Variants in EVC2 observed in about 807,000 individuals in gnomAD.
The protein encoded by EVC2 is limbin.
In EVC2, 148 loss-of-function variants were observed where a neutral mutation model predicts 149.3. The ratio of observed to expected loss-of-function variants is 0.99; its 90% CI spans 0.87 to 1.14. The LOEUF is 1.14. Ranked by LOEUF, EVC2 falls within the 50% of genes most tolerant of loss-of-function variation. The pLI is 0.00. For synonymous variants in EVC2, 776 were observed against 649.9 expected (o/e 1.19, Z -2.95); for missense variants, 1,854 against 1,627.3 (o/e 1.14, Z -2.40).
At chr4:5,690,408 T>C (rs536494228) in intron 4 of EVC2, among the ~76,000 whole-genome samples, 1 of 150,336 alleles carries the variant, frequency 6.7e-6, no homozygotes, top group African/African-American at 2.5e-5. Context: ...GGTTGTTGTT[T>C]TTTTTTTTTT....
At chr4:5,540,524 G>C (rs114313399), downstream of EVC2, among the ~76,000 whole-genome samples, 799 of 152,346 alleles carry the variant, frequency 5.2e-3, 5 homozygotes, top group African/African-American at 0.018. Context: ...ACATGTGGAT[G>C]AAACTCAAAA....
At chr4:5,665,751 G>A (rs1719238339) in intron 7 of EVC2, 102 bp from the exon 8 acceptor site, 2 of 1,533,886 alleles carry the variant, frequency 1.3e-6, no homozygotes, top group African/African-American at 2.7e-5. Context: ...CAGGGACCAG[G>A]GGACTCGCTT....
intron 17 of EVC2, among the ~76,000 whole-genome samples, chr4:5,582,197 T>C (rs1285735552): frequency 6.6e-6 from 1 of 152,184 alleles, no homozygotes; most frequent in Admixed American, 6.5e-5. Flanking sequence ...TCTGGAATGA[T>C]AGATCCACTG....
intron 9 of EVC2, among the ~76,000 whole-genome samples, chr4:5,656,834 T>A (rs763885792): frequency 2.6e-5 from 4 of 152,168 alleles, no homozygotes; most frequent in Non-Finnish European, 5.9e-5. Flanking sequence ...TTACGGTAAT[T>A]TGTGACAACA....
chr4:5,707,701 C>G (rs1255114045), intron 1 of EVC2, among the ~76,000 whole-genome samples: 7 of 151,986 alleles, frequency 4.6e-5, no homozygotes, highest in African/African-American at 1.7e-4. Flanking sequence ...GGACTGGTGA[C>G]CAGCTTTGTC....
chr4:5,704,987 G>T (rs983420039), intron 1 of EVC2, among the ~76,000 whole-genome samples: 8 of 152,166 alleles, frequency 5.3e-5, no homozygotes, highest in Non-Finnish European at 8.8e-5. Flanking sequence ...TGGGATTACA[G>T]GCGTGAGCTT....
downstream of EVC2, among the ~76,000 whole-genome samples, chr4:5,561,529 G>A (rs1721958530): frequency 6.6e-6 from 1 of 152,204 alleles, no homozygotes; most frequent in Admixed American, 6.5e-5. Flanking sequence ...TGTCCCCTGG[G>A]AGAAGTGCAA....
Position 5,619,201 on chromosome 4 carries a change from T to C in EVC2, c.2502-519A>G, listed in dbSNP as rs139678453. Among the ~76,000 whole-genome samples, 39 of 152,306 alleles carry C rather than the reference T, an allele frequency of 2.6e-4. 1 individual carries two copies. In the East Asian group the frequency reaches 7.0e-3, roughly 27 times the overall value. Reference sequence around the variant, plus strand: ...AACCATGCTGAGTGACTTAGTGTTATGGGTTGAATTGTGGCTCCCAAAAAG... The same window carrying C: ...AACCATGCTGAGTGACTTAGTGTTACGGGTTGAATTGTGGCTCCCAAAAAG... On this transcript the variant is annotated intron_variant, in intron 14 of 21. Transcript: ENST00000344408.
intron 14 of EVC2, among the ~76,000 whole-genome samples, chr4:5,620,956 T>C (rs991163122): frequency 6.6e-6 from 1 of 152,216 alleles, no homozygotes; most frequent in Non-Finnish European, 1.5e-5. Flanking sequence ...AAATGACATT[T>C]AAGGATCTGA....
In EVC2 at chr4:5,657,291, C is replaced by A. The variant is rs182380694; in HGVS notation, c.1145+5816G>T. On this transcript the variant is annotated intron_variant, in intron 9 of 21. Transcript: ENST00000344408. The surrounding 1 kb of genome is among the most constrained non-coding windows in gnomAD (Gnocchi z 4.7). ...TTGAACTTCATTGAGAAGCATCTGA[C>A]AGGTTCATCCCATGTTCCCTCCCCA... is the stretch of plus-strand genomic sequence containing the variant. Among the ~76,000 whole-genome samples, 20 of 152,244 alleles carry A rather than the reference C, an allele frequency of 1.3e-4. No individual in the cohort carries two copies. In the East Asian group the frequency reaches 3.5e-3, roughly 27 times the overall value.
At chr4:5,708,619 G>T, upstream of EVC2, 1 of 816,510 alleles carries the variant, frequency 1.2e-6, no homozygotes, top group Non-Finnish European at 1.7e-6. Context: ...GCGAGCCGCC[G>T]CCGAAAGTTT....
chr4:5,601,735 G>A (rs951310248), intron 16 of EVC2, among the ~76,000 whole-genome samples: 1 of 152,186 alleles, frequency 6.6e-6, no homozygotes, highest in African/African-American at 2.4e-5. Flanking sequence ...AGTTTCCTAT[G>A]TGCCCTTTCC....
At chr4:5,574,801 TCA>T (rs749647385) in intron 18 of EVC2, 29 bp from the exon 19 acceptor site, 1 of 1,605,548 alleles carries the variant, frequency 6.2e-7, no homozygotes, top group South Asian at 1.1e-5. Flanking sequence ...ATACGTAAGT[TCA>T]GTTTTGTTAT....
Position 5,625,641 on chromosome 4 carries a change from C to T in EVC2, c.2046+108G>A. On this transcript the variant is annotated intron_variant, in intron 13 of 21. Transcript: ENST00000344408. This position sits in a 1 kb window ranked among gnomAD's most constrained non-coding sequence, Gnocchi z 4.0. ...GCACATCATGGTGCCTGCCCAGCTG[C>T]CCTTCTGATCCTAGTTCACCAATGG... 6.9e-7 allele frequency: 1 copy of T among 1,446,176 alleles called. No individual in the cohort carries two copies. The highest frequency in any genetic ancestry group is 9.6e-7 in the Non-Finnish European group (1 of 1,044,968). The allele number at this position is 1,446,176 out of a possible 1,614,324, so 89.6% of individuals were successfully genotyped here.
At chr4:5,662,571 T>C (rs1718963259) in intron 9 of EVC2, among the ~76,000 whole-genome samples, 1 of 141,996 alleles carries the variant, frequency 7.0e-6, no homozygotes, top group Admixed American at 7.2e-5. Context: ...AAATATAATA[T>C]ATATTTATAT....
chr4:5,556,152 C>CCCA (rs964920693), intron 21 of EVC2, among the ~76,000 whole-genome samples: 35 of 130,096 alleles, frequency 2.7e-4, no homozygotes, highest in African/African-American at 1.0e-3. Context: ...GCACTCTAAC[C>CCCA]CCAGGTGACA....
rs777020546 is a variant in EVC2 at position 5,576,353 on chromosome 4, A to G, written c.3159T>C (p.Asp1053=). Residue 1053 remains aspartate (D), a synonymous_variant, in exon 18 of 22, where the codon GAT becomes GAC. Transcript: ENST00000344408. The surrounding 1 kb of genome is among the most constrained non-coding windows in gnomAD (Gnocchi z 4.5). ...ALASWQQWVA[D]GPGILNEPGE... is the part of the protein sequence containing the mutation. ...CAGGTTCGTTCAGAATCCCGGGCCC[A>G]TCGGCCACCCACTGCTGCCAGCTCG... is the stretch of plus-strand genomic sequence containing the variant. 9 of 1,614,080 alleles carry G rather than the reference A, an allele frequency of 5.6e-6. No homozygotes were observed. The highest frequency in any genetic ancestry group is 1.3e-5 in the African/African-American group (1 of 74,934).
intron 9 of EVC2, among the ~76,000 whole-genome samples, chr4:5,643,195 T>A (rs1292883556): frequency 6.6e-6 from 1 of 152,204 alleles, no homozygotes; most frequent in Non-Finnish European, 1.5e-5. Flanking sequence ...CTAGCAAGTA[T>A]CAGATCACTC....
chr4:5,595,382 C>T (rs1269749193), intron 16 of EVC2, among the ~76,000 whole-genome samples: 2 of 152,180 alleles, frequency 1.3e-5, no homozygotes, highest in Non-Finnish European at 2.9e-5. Flanking sequence ...GGCAGAAACT[C>T]TACAAGCCAG....
Sources: gnomAD v4.1 joint callset for allele counts (sites outside exome capture counted in the v4.1 genomes callset) on GRCh38, gnomAD v4.1.1 for gene constraint, Gnocchi (gnomAD v3.1) non-coding constraint, MANE v1.5 for transcripts, NCBI Gene and HGNC (gene_info 2026-07-23, HGNC 2026-07-21) for gene names.